Variants in SPAG9 observed in about 807,000 individuals in gnomAD.
SPAG9 encodes the protein sperm associated antigen 9.
Under a neutral mutation model 166.5 loss-of-function variants are expected in SPAG9, and 35 were observed. That is an observed-to-expected ratio of 0.21 (90% confidence interval 0.16 to 0.28). SPAG9 has a LOEUF of 0.28. SPAG9 is among the 10% of genes least tolerant of loss of function. The pLI is 1.00. For synonymous variants in SPAG9, 534 were observed against 565.5 expected, an observed-to-expected ratio of 0.94 and a Z score of 0.79; for missense variants, 1,235 against 1,603.3, an observed-to-expected ratio of 0.77 and a Z score of 3.92.
At chr17:51,089,416 C>G (rs1198108998) in intron 1 of SPAG9, among the ~76,000 whole-genome samples, 2 of 151,172 alleles carry the variant, frequency 1.3e-5, no homozygotes, top group Non-Finnish European at 2.9e-5. Context: ...AAGAGTGAAA[C>G]TCTGTCTCAA....
intron 3 of SPAG9, among the ~76,000 whole-genome samples, chr17:51,054,845 G>C (rs1167268286): frequency 6.6e-6 from 1 of 152,086 alleles, no homozygotes; most frequent in African/African-American, 2.4e-5. Flanking sequence ...TCTGCTACTG[G>C]ATATCAATTC....
Position 50,993,853 on chromosome 17 carries a change from A to G in SPAG9, c.2309T>C (p.Val770Ala). The change falls in exon 19 of 30, where the codon GTT becomes GCT. Residue 770 changes from valine (V) to alanine (A), a missense_variant. Physicochemically the swap from Val to Ala is moderately conservative, Grantham distance 64 (BLOSUM62 0). Around this residue, in one of 6 missense-constraint regions of SPAG9, gnomAD observed 493 missense variants for 559.4 expected, o/e 0.88. Transcript: ENST00000262013. Reference sequence around the variant, plus strand: ...AGGTTGAACAGCATCAATAATAAGAACTTTTGTAGCCGAATGAGTGCTGGT... The same window carrying G: ...AGGTTGAACAGCATCAATAATAAGAGCTTTTGTAGCCGAATGAGTGCTGGT... ...ICTSTHSATK[V>A]LIIDAVQPGN... 1 of 1,614,194 alleles carries G rather than the reference A, an allele frequency of 6.2e-7. No homozygotes were observed. The highest frequency in any genetic ancestry group is 1.3e-5 in the African/African-American group (1 of 75,050).
chr17:51,079,007 A>C (rs2048091012), intron 2 of SPAG9, among the ~76,000 whole-genome samples: 1 of 152,178 alleles, frequency 6.6e-6, no homozygotes, highest in South Asian at 2.1e-4. Flanking sequence ...TTAAAGCATA[A>C]TGTTAACTAC....
intron 1 of SPAG9, among the ~76,000 whole-genome samples, chr17:51,100,001 G>A (rs756530664): frequency 6.6e-6 from 1 of 152,074 alleles, no homozygotes; most frequent in Non-Finnish European, 1.5e-5. Flanking sequence ...TCAGGAGCCT[G>A]AGGCAAGACA....
At chr17:51,025,483 A>T in intron 6 of SPAG9, among the ~76,000 whole-genome samples, 1 of 148,390 alleles carries the variant, frequency 6.7e-6, no homozygotes, top group South Asian at 2.1e-4. Context: ...AAAAAAAAAA[A>T]CTGACAGTAT....
intron 28 of SPAG9, among the ~76,000 whole-genome samples, chr17:50,972,003 G>C (rs958683213): frequency 6.6e-6 from 1 of 151,454 alleles, no homozygotes; most frequent in Non-Finnish European, 1.5e-5. Context: ...CTGACCTCAA[G>C]TGATCCACCC....
chr17:50,993,253 T>C (rs905774512), intron 19 of SPAG9, among the ~76,000 whole-genome samples: 3 of 148,954 alleles, frequency 2.0e-5, no homozygotes, highest in African/African-American at 5.0e-5. Context: ...AAGGTGGAGG[T>C]TGCAGTGAGC....
In SPAG9 at chr17:50,980,275, G is replaced by A. The variant is rs1170638956; in HGVS notation, c.3238-358C>T. Among the ~76,000 whole-genome samples the A allele has an allele frequency of 4.6e-5, 7 of 151,718 alleles. No homozygotes were observed. The South Asian group carries it at 6.2e-4, about 14-fold the overall frequency. ...GGCTGGAGTGCAATGGCGCAATCTC[G>A]GCTCACTGCAACCTCCCCTTCCTGG... On this transcript the variant is annotated intron_variant, in intron 25 of 29. Coordinates refer to ENST00000262013, the MANE Select transcript of SPAG9 (RefSeq NM_001130528.3).
chr17:51,109,769 T>C (rs1308168538), intron 1 of SPAG9, among the ~76,000 whole-genome samples: 2 of 152,284 alleles, frequency 1.3e-5, no homozygotes, highest in Non-Finnish European at 1.5e-5. Flanking sequence ...TGGAGCACAG[T>C]GGCATGAACA....
In SPAG9 at chr17:51,110,239, A is replaced by G. The variant is rs916001521; in HGVS notation, c.303+10115T>C. On this transcript the variant is annotated intron_variant, in intron 1 of 29. Transcript: ENST00000262013. ...CACACCCACACATCCACATATACAG[A>G]CAGATAAATAAAACAACAACTACTG... Among the ~76,000 whole-genome samples the G allele has an allele frequency of 2.0e-5, 3 of 152,190 alleles. 1 individual carries two copies. Among genetic ancestry groups the G allele is most frequent in the African/African-American group, 7.2e-5 (3 of 41,452 alleles).
chr17:51,119,430 T>C (rs1235666010), intron 1 of SPAG9, among the ~76,000 whole-genome samples: 1 of 152,184 alleles, frequency 6.6e-6, no homozygotes, highest in East Asian at 1.9e-4. Context: ...CAACGCAGGC[T>C]GAAAGCTAAA....
chr17:51,114,586 T>C (rs1025020490), intron 1 of SPAG9, among the ~76,000 whole-genome samples: 1 of 151,370 alleles, frequency 6.6e-6, no homozygotes, highest in African/African-American at 2.4e-5. Flanking sequence ...GCCAAGATCG[T>C]GCCTCTGCAC....
chr17:51,057,240 G>T (rs9675200), intron 2 of SPAG9, among the ~76,000 whole-genome samples: 1 of 152,014 alleles, frequency 6.6e-6, no homozygotes, highest in Non-Finnish European at 1.5e-5. Context: ...GGCAGAGGGT[G>T]GTGGTGAGGC....
At chr17:51,014,386 A>G in intron 8 of SPAG9, 33 bp from the exon 9 acceptor site, 1 of 1,569,458 alleles carries the variant, frequency 6.4e-7, no homozygotes, top group Non-Finnish European at 8.6e-7. Context: ...CCAAATCAAC[A>G]AATGACAAAG....
At chr17:51,010,452 A>G (rs1455248150) in intron 9 of SPAG9, among the ~76,000 whole-genome samples, 1 of 152,090 alleles carries the variant, frequency 6.6e-6, no homozygotes, top group African/African-American at 2.4e-5. Context: ...TAAAGTATGA[A>G]GAGTGGTATA....
At chr17:51,113,002 A>G (rs938006922) in intron 1 of SPAG9, among the ~76,000 whole-genome samples, 1 of 151,350 alleles carries the variant, frequency 6.6e-6, no homozygotes, top group African/African-American at 2.4e-5. Flanking sequence ...AAAGGAAAAA[A>G]AAATCACAAA....
At position 51,114,943 on chromosome 17, in the gene SPAG9, C is replaced by G. The variant is rs578133365; in HGVS notation, c.303+5411G>C. Among the ~76,000 whole-genome samples, 7 of 150,198 alleles carry G rather than the reference C, an allele frequency of 4.7e-5. No individual in the cohort carries two copies. In the East Asian group the frequency reaches 1.4e-3, roughly 29 times the overall value. On this transcript the variant is annotated intron_variant, in intron 1 of 29. Coordinates refer to ENST00000262013, the MANE Select transcript of SPAG9 (RefSeq NM_001130528.3). Reference sequence around the variant, plus strand: ...CTCCAGCCTGGGTGACAGAGTGAGACTCTGTCTCAAAAAAAAAAAAAATTA... The same window carrying G: ...CTCCAGCCTGGGTGACAGAGTGAGAGTCTGTCTCAAAAAAAAAAAAAATTA...
At chr17:50,970,254 G>C (rs188772042) in intron 29 of SPAG9, among the ~76,000 whole-genome samples, 3 of 152,018 alleles carry the variant, frequency 2.0e-5, no homozygotes, top group Non-Finnish European at 4.4e-5. Flanking sequence ...GCGGTGGCTC[G>C]GGCTTGTAAT....
Position 50,988,743 on chromosome 17 carries a change from G to C in SPAG9, c.2813+934C>G, listed in dbSNP as rs967496341. Among the ~76,000 whole-genome samples the C allele has an allele frequency of 7.9e-5, 12 of 152,106 alleles. No individual in the cohort carries two copies. In the South Asian group the frequency reaches 1.0e-3, roughly 13 times the overall value. ...GAATCATTAAGTTTTTTGTAGAGAT[G>C]AGGGTCTCACTATGTTGCTCAGGTT... On this transcript the variant is annotated intron_variant, in intron 21 of 29. Transcript: ENST00000262013.
Sources: gnomAD v4.1 joint callset for allele counts (sites outside exome capture counted in the v4.1 genomes callset) on GRCh38, gnomAD v4.1.1 for gene constraint, gnomAD v4.1.1 regional missense constraint, MANE v1.5 for transcripts, NCBI Gene and HGNC (gene_info 2026-07-23, HGNC 2026-07-21) for gene names.